The following NRXN1 variants were observed in gnomAD, a reference collection of about 807,000 sequenced individuals.
NRXN1 encodes neurexin-1.
Under a neutral mutation model 150.9 loss-of-function variants are expected in NRXN1, and 39 were observed. The observed-to-expected ratio is 0.26, with a 90% CI of 0.20 to 0.34. The LOEUF (loss-of-function observed/expected upper bound fraction) is 0.34, where lower values mean the gene tolerates loss of function less well. Among genes scored for constraint, NRXN1 ranks in the 10% least tolerant of loss-of-function variants. The pLI is 1.00. For synonymous variants in NRXN1, 924 were observed against 757.0 expected, an observed-to-expected ratio of 1.22 and a Z score of -3.62; for missense variants, 1,815 against 1,949.9, an observed-to-expected ratio of 0.93 and a Z score of 1.30.
chr2:50,872,041 T>C (rs1164963158), intron 5 of NRXN1, among the ~76,000 whole-genome samples: 1 of 151,826 alleles, frequency 6.6e-6, no homozygotes, highest in African/African-American at 2.4e-5. Context: ...AAAATTCTCA[T>C]AACAAACCCT....
At chr2:50,823,639 T>C (rs1670040683) in intron 5 of NRXN1, among the ~76,000 whole-genome samples, 1 of 152,152 alleles carries the variant, frequency 6.6e-6, no homozygotes, top group Non-Finnish European at 1.5e-5. Context: ...GTCTACATGC[T>C]AATTAAGTAC....
At chr2:50,320,244 A>G (rs2075913046) in intron 17 of NRXN1, among the ~76,000 whole-genome samples, 1 of 136,068 alleles carries the variant, frequency 7.3e-6, no homozygotes, top group East Asian at 2.3e-4. Flanking sequence ...TAAATAATCA[A>G]TTTTTTAAAA....
rs530706483 is a variant in NRXN1, at chr2:50,834,358, T to G, written c.832+87511A>C. On this transcript the variant is annotated intron_variant, in intron 5 of 22. Coordinates refer to ENST00000401669, the MANE Select transcript of NRXN1 (RefSeq NM_001330078.2). Reference sequence around the variant, plus strand: ...ATGGTTTAGGAGTACATTTTGGACTTCTCAGGCAGTTAATTGGTTTTGCAG... The same window carrying G: ...ATGGTTTAGGAGTACATTTTGGACTGCTCAGGCAGTTAATTGGTTTTGCAG... 6.6e-5 allele frequency among the ~76,000 whole-genome samples: 10 copies of G among 152,262 alleles called. No homozygotes were observed. In the South Asian group the frequency reaches 2.1e-3, roughly 32 times the overall value.
chr2:50,616,526 G>A (rs1679090232), intron 8 of NRXN1: 1 of 152,118 alleles, frequency 6.6e-6, no homozygotes. Flanking sequence ...GTAAATTCGT[G>A]AGAGTGATAT....
At chr2:50,095,959 C>G (rs1405991494) in intron 18 of NRXN1, among the ~76,000 whole-genome samples, 1 of 127,596 alleles carries the variant, frequency 7.8e-6, no homozygotes, top group African/African-American at 2.9e-5. Context: ...ACAACAGGCC[C>G]CGGTGTGTGA....
At chr2:50,162,799 T>C (rs944650785) in intron 18 of NRXN1, among the ~76,000 whole-genome samples, 2 of 152,120 alleles carry the variant, frequency 1.3e-5, no homozygotes, top group African/African-American at 2.4e-5. Flanking sequence ...AAAAATATAC[T>C]TTACAGCATT....
chr2:50,819,821 C>A (rs1669463422), intron 5 of NRXN1, among the ~76,000 whole-genome samples: 1 of 152,084 alleles, frequency 6.6e-6, no homozygotes, highest in Non-Finnish European at 1.5e-5. Context: ...CATTCAACCA[C>A]AGAGAAGTGG....
intron 12 of NRXN1, among the ~76,000 whole-genome samples, chr2:50,522,817 C>T (rs1368614026): frequency 8.2e-5 from 12 of 146,214 alleles, no homozygotes; most frequent in South Asian, 2.2e-4. Context: ...GTGCAACCTC[C>T]GCCTGCCAGG....
intron 17 of NRXN1, among the ~76,000 whole-genome samples, chr2:50,303,768 C>A (rs1313596047): frequency 6.6e-6 from 1 of 152,038 alleles, no homozygotes; most frequent in African/African-American, 2.4e-5. Context: ...ATTCTTTTTA[C>A]AAAAGTTAGG....
chr2:50,841,686 C>T (rs1672901196), intron 5 of NRXN1, among the ~76,000 whole-genome samples: 1 of 152,082 alleles, frequency 6.6e-6, no homozygotes, highest in African/African-American at 2.4e-5. Flanking sequence ...TATAAATAAC[C>T]ACATCTAACA....
intron 8 of NRXN1, among the ~76,000 whole-genome samples, chr2:50,608,797 G>A (rs1247035535): frequency 6.6e-6 from 1 of 152,050 alleles, no homozygotes; most frequent in Non-Finnish European, 1.5e-5. Flanking sequence ...GTGAACACAG[G>A]CAGGGAAGAC....
At chr2:50,523,994 GA>G (rs774396208) in intron 12 of NRXN1, among the ~76,000 whole-genome samples, 4 of 151,904 alleles carry the variant, frequency 2.6e-5, no homozygotes, top group Non-Finnish European at 5.9e-5. Flanking sequence ...AAGAAGACAA[GA>G]AAAAAGATAA....
At chr2:50,770,044 A>G (rs1361306705) in intron 5 of NRXN1, among the ~76,000 whole-genome samples, 2 of 152,118 alleles carry the variant, frequency 1.3e-5, no homozygotes, top group East Asian at 3.9e-4. Context: ...ACATCTAAGA[A>G]GAACTTTCAA....
rs796052783 is a variant in NRXN1, at chr2:50,472,330, A to G, written c.3212T>C (p.Phe1071Ser). Residue 1071 changes from phenylalanine to serine, a missense_variant, in exon 16 of 23, where the codon TTC becomes TCC. Around this residue, in one of 6 missense-constraint regions of NRXN1, gnomAD observed 339 missense variants for 440.3 expected, o/e 0.77. Coordinates refer to ENST00000401669, the MANE Select transcript of NRXN1 (RefSeq NM_001330078.2). ...RLPDLISDALFCNGQIERGCE... is the reference protein window; with the variant it reads ...RLPDLISDALSCNGQIERGCE... ...TCCTCTCTCGATCTGTCCGTTGCAG[A>G]AAAGAGCATCGGAGATGAGGTCCGG... 6.2e-7 allele frequency: 1 copy of G among 1,610,916 alleles called. No homozygotes were observed. Among genetic ancestry groups the G allele is most frequent in the Non-Finnish European group, 8.5e-7 (1 of 1,178,290 alleles).
intron 18 of NRXN1, among the ~76,000 whole-genome samples, chr2:50,191,162 G>A (rs2061417264): frequency 6.6e-6 from 1 of 151,548 alleles, no homozygotes; most frequent in Admixed American, 6.6e-5. Flanking sequence ...CTAGGTAGCT[G>A]GGATTACAGG....
In NRXN1 at chr2:50,865,658, G is replaced by GTT. The variant is rs71404978; in HGVS notation, c.832+56209_832+56210dup. Among the ~76,000 whole-genome samples, 36 of 41,856 alleles carry GTT rather than the reference G, an allele frequency of 8.6e-4. 4 individuals are homozygous for GTT. Among genetic ancestry groups the GTT allele is most frequent in the African/African-American group, 9.0e-4 (8 of 8,862 alleles). The allele number at this position is 41,856 out of a possible 152,430, so 27.5% of individuals were successfully genotyped here. A position where few individuals can be genotyped will look rare whatever the true frequency, so the allele number is the denominator to read the frequency against. Reference sequence around the variant, plus strand: ...AGTAATTCCCAGTAAGCATTTGAAAGTTTTTTTTTTTTTTTTTTTTTTTTT... The same window carrying GTT: ...AGTAATTCCCAGTAAGCATTTGAAAGTTTTTTTTTTTTTTTTTTTTTTTTTTT... On this transcript the variant is annotated intron_variant, in intron 5 of 22. Transcript: ENST00000401669.
At chr2:50,904,597 TA>T (rs1683404046) in intron 5 of NRXN1, among the ~76,000 whole-genome samples, 1 of 152,192 alleles carries the variant, frequency 6.6e-6, no homozygotes, top group Non-Finnish European at 1.5e-5. Flanking sequence ...TGATTAACTT[TA>T]CGCAAAACAC....
intron 21 of NRXN1, among the ~76,000 whole-genome samples, chr2:49,963,022 A>G (rs1676272529): frequency 1.3e-5 from 2 of 152,178 alleles, no homozygotes; most frequent in Admixed American, 6.5e-5. Context: ...CTGACAAAAT[A>G]AAACAGGAAA....
chr2:50,088,432 T>G (rs1321476701), intron 19 of NRXN1, among the ~76,000 whole-genome samples: 1 of 152,182 alleles, frequency 6.6e-6, no homozygotes, highest in African/African-American at 2.4e-5. Context: ...TTGAAATTCT[T>G]CATATGTGCT....
Sources: allele counts gnomAD v4.1 joint callset (sites outside exome capture counted in the v4.1 genomes callset), GRCh38; gene constraint gnomAD v4.1.1; regional missense constraint gnomAD v4.1.1; transcripts MANE v1.5; gene names NCBI Gene and HGNC (gene_info 2026-07-23, HGNC 2026-07-21).